BCL6: variants seen among roughly 807,000 people sequenced by gnomAD.
The protein encoded by BCL6 is B-cell lymphoma 6 protein.
BCL6 carries 7 observed loss-of-function variants against 59.5 expected under a neutral mutation model. That is an observed-to-expected ratio of 0.12 (90% CI 0.07 to 0.22). BCL6 has a LOEUF of 0.22. BCL6 is among the 10% of genes least tolerant of loss of function. The pLI is 1.00. For missense variants in BCL6, 685 were observed against 939.4 expected (o/e 0.73, Z 3.54); for synonymous variants, 339 against 349.7 (o/e 0.97, Z 0.34).
At chr3:187,744,532 G>A (rs535290492) in intron 1 of BCL6, among the ~76,000 whole-genome samples, 7 of 152,220 alleles carry the variant, frequency 4.6e-5, no homozygotes, top group Non-Finnish European at 8.8e-5. Flanking sequence ...GGCTCTGAAA[G>A]GAAATAGTAG....
intron 6 of BCL6, among the ~76,000 whole-genome samples, chr3:187,727,433 A>G (rs971913636): frequency 5.9e-5 from 9 of 152,334 alleles, no homozygotes; most frequent in Non-Finnish European, 8.8e-5. Context: ...GTCAAATTCA[A>G]TTCTACTTTG....
chr3:187,721,886 A>AGATACAAAATCGAGCC lies in BCL6; in HGVS notation c.*556_*571dup, dbSNP rs1435065405. On this transcript the variant is annotated 3_prime_UTR_variant, in exon 10 of 10. Coordinates refer to ENST00000406870, the MANE Select transcript of BCL6 (RefSeq NM_001706.5). The surrounding 1 kb of genome is among the most constrained non-coding windows in gnomAD (Gnocchi z 4.2). ...GATTCTCAGATCCGTGTCTGCCTGCAGATACAAAATCGAGCCTTTAACGCA... is the reference window on the plus strand; with the variant it reads ...GATTCTCAGATCCGTGTCTGCCTGCAGATACAAAATCGAGCCGATACAAAATCGAGCCTTTAACGCA... 2 of 213,732 alleles carry AGATACAAAATCGAGCC rather than the reference A, an allele frequency of 9.4e-6. No individual in the cohort carries two copies. The highest frequency in any genetic ancestry group is 2.3e-5 in the African/African-American group (1 of 44,156). The allele number at this position is 213,732 out of a possible 1,614,324, so 13.2% of individuals were successfully genotyped here.
chr3:187,722,304 G>GGCCCCCCCCCCCCCCCCCCCCCC lies in BCL6; in HGVS notation c.*153_*154insGGGGGGGGGGGGGGGGGGGGGGC. The GGCCCCCCCCCCCCCCCCCCCCCC allele has an allele frequency of 6.5e-6, 2 of 309,296 alleles. No individual in the cohort carries two copies. Among genetic ancestry groups the GGCCCCCCCCCCCCCCCCCCCCCC allele is most frequent in the Non-Finnish European group, 1.2e-5 (2 of 169,620 alleles). The allele number at this position is 309,296 out of a possible 1,614,324, so 19.2% of individuals were successfully genotyped here. ...GCTGCTGCGGCTCCCAGTCCCCCAG[G>GGCCCCCCCCCCCCCCCCCCCCCC]CCCCGACCCCCACCACCCCCAACCC... On this transcript the variant is annotated 3_prime_UTR_variant, in exon 10 of 10. Transcript: ENST00000406870.
Position 187,725,468 on chromosome 3 carries a change from C to T in BCL6, c.1839+31G>A. ...CTCGCCTGCCCGCTCCGCTCGCCTG[C>T]CCGCTCCGCTCGCCTGCCCACTCTG... On this transcript the variant is annotated intron_variant, in intron 8 of 9. Coordinates refer to ENST00000406870, the MANE Select transcript of BCL6 (RefSeq NM_001706.5). The surrounding 1 kb of genome is among the most constrained non-coding windows in gnomAD (Gnocchi z 4.7). The T allele has an allele frequency of 8.1e-7, 1 of 1,238,716 alleles. No individual in the cohort carries two copies. The highest frequency in any genetic ancestry group is 1.1e-6 in the Non-Finnish European group (1 of 904,604). The allele number at this position is 1,238,716 out of a possible 1,614,324, so 76.7% of individuals were successfully genotyped here.
chr3:187,729,142 C>G lies in BCL6; in HGVS notation c.1263G>C (p.Glu421Asp). Residue 421 changes from glutamate to aspartate, a missense_variant, in exon 5 of 10, where the codon GAG becomes GAC. Glu to Asp is a conservative substitution (Grantham distance 45, BLOSUM62 2). This residue lies in a region of BCL6 where 207 missense variants were observed against 213.7 expected (regional missense o/e 0.97). Coordinates refer to ENST00000406870, the MANE Select transcript of BCL6 (RefSeq NM_001706.5). This position sits in a 1 kb window ranked among gnomAD's most constrained non-coding sequence, Gnocchi z 5.6. ...TGGTTGGGGACTGGAGGTCAAGGTT[C>G]TCAGGCTCCATGGGTGGCTGGCAGG... The part of the protein sequence containing the change: ...PPACQPPMEP[E>D]NLDLQSPTKL... 2 of 1,600,106 alleles carry G rather than the reference C, an allele frequency of 1.2e-6. No individual in the cohort carries two copies. Among genetic ancestry groups the G allele is most frequent in the Non-Finnish European group, 1.7e-6 (2 of 1,171,682 alleles).
intron 1 of BCL6, among the ~76,000 whole-genome samples, chr3:187,743,201 A>T (rs1381879226): frequency 6.6e-6 from 1 of 151,970 alleles, no homozygotes; most frequent in Non-Finnish European, 1.5e-5. Flanking sequence ...GACTGTAAAA[A>T]ACACATCTAC....
chr3:187,744,396 T>G (rs1711775244), intron 1 of BCL6, among the ~76,000 whole-genome samples: 1 of 151,762 alleles, frequency 6.6e-6, no homozygotes, highest in Admixed American at 6.6e-5. Flanking sequence ...GCGCGGAGGT[T>G]CCCGACTCCC....
intron 1 of BCL6, among the ~76,000 whole-genome samples, chr3:187,744,974 A>ACC (rs529107015): frequency 2.7e-5 from 4 of 150,338 alleles, no homozygotes; most frequent in African/African-American, 4.9e-5. Flanking sequence ...AGCCCGAATC[A>ACC]CCCCCCAAGC....
chr3:187,744,674 T>A (rs914734455), intron 1 of BCL6, among the ~76,000 whole-genome samples: 1 of 152,068 alleles, frequency 6.6e-6, no homozygotes, highest in South Asian at 2.1e-4. Context: ...CCGAGGCCGA[T>A]GGAAGAGAGC....
chr3:187,744,138 A>T (rs1711752252), intron 1 of BCL6, among the ~76,000 whole-genome samples: 2 of 152,262 alleles, frequency 1.3e-5, no homozygotes, highest in African/African-American at 2.4e-5. Context: ...AAAATAAAAT[A>T]AAATTTAGGA....
In BCL6 at chr3:187,721,830, AAT is replaced by A. The variant is rs1267209172; in HGVS notation, c.*626_*627del. 8.8e-6 allele frequency: 2 copies of A among 227,032 alleles called. No homozygotes were observed. The highest frequency in any genetic ancestry group is 4.4e-5 in the African/African-American group (2 of 44,964). The allele number at this position is 227,032 out of a possible 1,614,324, so 14.1% of individuals were successfully genotyped here. On this transcript the variant is annotated 3_prime_UTR_variant, in exon 10 of 10. Coordinates refer to ENST00000406870, the MANE Select transcript of BCL6 (RefSeq NM_001706.5). This position sits in a 1 kb window ranked among gnomAD's most constrained non-coding sequence, Gnocchi z 4.2. ...TTACTTATACAGATGCAATACTTAA[AAT>A]ATTCTCTTAAGTGCTCTTTCTCAAT... is the stretch of plus-strand genomic sequence containing the variant.
chr3:187,743,228 T>C (rs545732950), intron 1 of BCL6, among the ~76,000 whole-genome samples: 42 of 151,834 alleles, frequency 2.8e-4, no homozygotes, highest in African/African-American at 9.9e-4. Context: ...TCACTTTACT[T>C]TAAAAAAAGA....
At chr3:187,744,039 C>G in intron 1 of BCL6, among the ~76,000 whole-genome samples, 1 of 152,192 alleles carries the variant, frequency 6.6e-6, no homozygotes, top group East Asian at 1.9e-4. Flanking sequence ...TTTCTCCTCG[C>G]CCAAGGTAAG....
rs746850741 is a variant in BCL6 at position 187,729,933 on chromosome 3, G to T, written c.472C>A (p.Arg158=). The T allele has an allele frequency of 6.2e-7, 1 of 1,613,864 alleles. No individual in the cohort carries two copies. Among genetic ancestry groups the T allele is most frequent in the South Asian group, 1.1e-5 (1 of 91,024 alleles). ...TTGTTCTCCACCACCTCACGACCCC[G>T]ATAGGCCATGATGTCTTGGGGCATC... ...MLMPQDIMAY[R]GREVVENNLP... is the part of the protein sequence containing the mutation. The change falls in exon 5 of 10, where the codon CGG becomes AGG. Residue 158 remains arginine (R), a synonymous_variant. Coordinates refer to ENST00000406870, the MANE Select transcript of BCL6 (RefSeq NM_001706.5). This position sits in a 1 kb window ranked among gnomAD's most constrained non-coding sequence, Gnocchi z 5.6.
intron 9 of BCL6, among the ~76,000 whole-genome samples, chr3:187,724,086 T>C (rs1186923213): frequency 6.6e-6 from 1 of 152,202 alleles, no homozygotes; most frequent in Non-Finnish European, 1.5e-5. Flanking sequence ...AACCATGTTT[T>C]GCAGGTTAAC....
chr3:187,745,173 G>C, intron 1 of BCL6, among the ~76,000 whole-genome samples: 2 of 152,008 alleles, frequency 1.3e-5, no homozygotes, highest in South Asian at 2.1e-4. Flanking sequence ...GAGAGACGTG[G>C]GACTAATCTT....
At position 187,725,608 on chromosome 3, in the gene BCL6, T is replaced by G; in HGVS notation, c.1730A>C (p.Asn577Thr). ...VHTGEKPYRC[N>T]ICGAQFNRPA... ...CCGGTTGAACTGGGCCCCACAGATG[T>G]TGCAACGATAGGGTTTCTCACCTAT... The change falls in exon 8 of 10, where the codon AAC becomes ACC. Residue 577 changes from asparagine (N) to threonine (T), a missense_variant. This residue lies in a region of BCL6 where 42 missense variants were observed against 101.7 expected (regional missense o/e 0.41). Coordinates refer to ENST00000406870, the MANE Select transcript of BCL6 (RefSeq NM_001706.5). This position sits in a 1 kb window ranked among gnomAD's most constrained non-coding sequence, Gnocchi z 4.7. 1 of 1,614,198 alleles carries G rather than the reference T, an allele frequency of 6.2e-7. No homozygotes were observed. Among genetic ancestry groups the G allele is most frequent in the Non-Finnish European group, 8.5e-7 (1 of 1,180,038 alleles).
At chr3:187,745,105 T>A (rs536787372) in intron 1 of BCL6, among the ~76,000 whole-genome samples, 2 of 152,024 alleles carry the variant, frequency 1.3e-5, no homozygotes, top group East Asian at 1.9e-4. Context: ...AACCGGCCGA[T>A]TCACTCAAAG....
intron 1 of BCL6, among the ~76,000 whole-genome samples, chr3:187,744,756 G>A (rs1012064483): frequency 2.0e-5 from 3 of 152,188 alleles, no homozygotes; most frequent in Admixed American, 1.3e-4. Context: ...GGGAAGGGAA[G>A]GAAGAAGAGG....
Sources: gnomAD v4.1 joint callset for allele counts (sites outside exome capture counted in the v4.1 genomes callset) on GRCh38, gnomAD v4.1.1 for gene constraint, gnomAD v4.1.1 regional missense constraint, Gnocchi (gnomAD v3.1) non-coding constraint, MANE v1.5 for transcripts, NCBI Gene and HGNC (gene_info 2026-07-23, HGNC 2026-07-21) for gene names.